Variants in RRM2B observed in about 807,000 individuals in gnomAD.
RRM2B encodes ribonucleoside-diphosphate reductase subunit M2 B.
Under a neutral mutation model 45.9 loss-of-function variants are expected in RRM2B, and 20 were observed. The observed-to-expected ratio is 0.44, with a 90% CI of 0.31 to 0.63. The LOEUF is 0.63. RRM2B is among the 30% of genes least tolerant of loss of function. The probability of loss-of-function intolerance (pLI) is 0.09; values close to 1 mark genes in which losing one functional copy is unlikely to be tolerated. For synonymous variants in RRM2B, 124 were observed against 132.3 expected, an observed-to-expected ratio of 0.94 and a Z score of 0.43; for missense variants, 320 against 414.7, an observed-to-expected ratio of 0.77 and a Z score of 1.98.
chr8:102,215,677 G>T (rs1810717468), intron 6 of RRM2B, among the ~76,000 whole-genome samples: 1 of 151,986 alleles, frequency 6.6e-6, no homozygotes, highest in Non-Finnish European at 1.5e-5. Context: ...TGGGCACGGG[G>T]GCTCATGCCT....
At chr8:102,219,726 G>A (rs1346888126) in intron 5 of RRM2B, among the ~76,000 whole-genome samples, 1 of 152,166 alleles carries the variant, frequency 6.6e-6, no homozygotes, top group East Asian at 1.9e-4. Flanking sequence ...CCTGAGAAAA[G>A]TATTTATATA....
In RRM2B at chr8:102,209,931, A is replaced by G. The variant is rs916507050; in HGVS notation, c.904-1646T>C. ...TGAAATAGAATATGCAGAATAGGCA[A>G]ATCTACAGACGCAGAATAGGCAAAT... is the stretch of plus-strand genomic sequence containing the variant. On this transcript the variant is annotated intron_variant, in intron 8 of 8. Coordinates refer to ENST00000251810, the MANE Select transcript of RRM2B (RefSeq NM_015713.5). Among the ~76,000 whole-genome samples the G allele has an allele frequency of 1.6e-4, 25 of 152,308 alleles. 1 individual carries two copies. The South Asian group carries it at 5.2e-3, about 32-fold the overall frequency.
intron 5 of RRM2B, among the ~76,000 whole-genome samples, chr8:102,221,511 CTG>C (rs1263922052): frequency 6.6e-6 from 1 of 152,172 alleles, no homozygotes; most frequent in Non-Finnish European, 1.5e-5. Context: ...TTCCATGTTA[CTG>C]TCTTTTAGCT....
At position 102,238,879 on chromosome 8, in the gene RRM2B, C is replaced by T. The variant is rs766069649; in HGVS notation, c.-5G>A. The T allele has an allele frequency of 5.6e-6, 9 of 1,611,084 alleles. No homozygotes were observed. Reference sequence around the variant, plus strand: ...CGGCCTTTCCGGGTCGCCCATCGCGCAGACTCCGCCGAAGCTACGGGCGCT... The same window carrying T: ...CGGCCTTTCCGGGTCGCCCATCGCGTAGACTCCGCCGAAGCTACGGGCGCT... On this transcript the variant is annotated 5_prime_UTR_variant, in exon 1 of 9. Transcript: ENST00000251810.
chr8:102,211,021 A>C (rs571658189), intron 8 of RRM2B, among the ~76,000 whole-genome samples: 3 of 152,038 alleles, frequency 2.0e-5, no homozygotes, highest in South Asian at 2.1e-4. Flanking sequence ...AGAGAGAGAG[A>C]GAGCGAGAGA....
At chr8:102,227,889 T>C (rs1326938682) in intron 2 of RRM2B, among the ~76,000 whole-genome samples, 1 of 152,096 alleles carries the variant, frequency 6.6e-6, no homozygotes, top group Non-Finnish European at 1.5e-5. Context: ...TCCACCCACA[T>C]GACCTAATTA....
At chr8:102,217,514 A>C (rs1342996421) in intron 6 of RRM2B, among the ~76,000 whole-genome samples, 1 of 152,200 alleles carries the variant, frequency 6.6e-6, no homozygotes, top group Non-Finnish European at 1.5e-5. Flanking sequence ...TTCTAACAAA[A>C]CGGTTAAGTT....
intron 7 of RRM2B, among the ~76,000 whole-genome samples, chr8:102,213,821 A>T (rs1020120279): frequency 1.3e-5 from 2 of 152,202 alleles, no homozygotes; most frequent in Non-Finnish European, 2.9e-5. Context: ...AATAGCCCTG[A>T]AACAGGTTTT....
chr8:102,224,820 A>G, intron 4 of RRM2B, 65 bp downstream of exon 4: 1 of 1,478,378 alleles, frequency 6.8e-7, no homozygotes, highest in South Asian at 1.2e-5. Context: ...GAGTTTTGGA[A>G]TAAATTCTGA....
chr8:102,221,872 T>C (rs932149101), intron 5 of RRM2B, among the ~76,000 whole-genome samples: 1 of 152,152 alleles, frequency 6.6e-6, no homozygotes, highest in Admixed American at 6.6e-5. Flanking sequence ...ACTCTGCCTC[T>C]TCCCTTCTTT....
At position 102,219,212 on chromosome 8, in the gene RRM2B, A is replaced by T. The variant is rs183953488; in HGVS notation, c.551-265T>A. Among the ~76,000 whole-genome samples, 88 of 152,342 alleles carry T rather than the reference A, an allele frequency of 5.8e-4. 1 individual carries two copies. The highest frequency in any genetic ancestry group is 2.0e-3 in the African/African-American group (85 of 41,574). ...GACAAAGAAGGACCTTCCATACTCA[A>T]AACAAGAGGTGATTTACGTGTGCAC... On this transcript the variant is annotated intron_variant, in intron 5 of 8. Transcript: ENST00000251810.
intron 3 of RRM2B, among the ~76,000 whole-genome samples, chr8:102,225,482 T>C (rs531000112): frequency 1.3e-5 from 2 of 152,258 alleles, no homozygotes; most frequent in East Asian, 3.9e-4. Flanking sequence ...TCCGCCCACC[T>C]CAGCCTCCCA....
Position 102,209,011 on chromosome 8 carries a change from G to A in RRM2B, c.904-726C>T, listed in dbSNP as rs29000283. 6.3e-3 allele frequency among the ~76,000 whole-genome samples: 963 copies of A among 152,216 alleles called. 22 individuals are homozygous for A. Among genetic ancestry groups the A allele is most frequent in the Admixed American group, 0.03 (451 of 15,288 alleles). On this transcript the variant is annotated intron_variant, in intron 8 of 8. Transcript: ENST00000251810. ...CTAAAAGTACAAAAATTAGCTGGGC[G>A]TGGTAGCAGATGCCTGTAATCCAAG...
At chr8:102,224,418 C>A (rs1810890439) in intron 4 of RRM2B, among the ~76,000 whole-genome samples, 1 of 152,154 alleles carries the variant, frequency 6.6e-6, no homozygotes, top group African/African-American at 2.4e-5. Context: ...TCGTGATCCA[C>A]CTGCTTCGGC....
In RRM2B at chr8:102,207,806, G is replaced by A. The variant is rs182750398; in HGVS notation, c.*327C>T. 26 of 226,990 alleles carry A rather than the reference G, an allele frequency of 1.1e-4. No homozygotes were observed. Among genetic ancestry groups the A allele is most frequent in the Non-Finnish European group, 1.7e-4 (19 of 113,838 alleles). 14.1% of individuals were successfully genotyped at this position (226,990 alleles called of 1,614,324 possible). A position where few individuals can be genotyped will look rare whatever the true frequency, so the allele number is the denominator to read the frequency against. On this transcript the variant is annotated 3_prime_UTR_variant, in exon 9 of 9. Transcript: ENST00000251810. ...CTCCCATTTTAAAGATAAGTACACC[G>A]AGGTTTACCAAGATTAACTGACTTG...
At chr8:102,211,195 C>T (rs958309936) in intron 8 of RRM2B, among the ~76,000 whole-genome samples, 1 of 152,134 alleles carries the variant, frequency 6.6e-6, no homozygotes, top group Non-Finnish European at 1.5e-5. Context: ...AGGATTTCGC[C>T]ATGTTGCCTA....
chr8:102,236,784 T>C (rs554478720), intron 1 of RRM2B, among the ~76,000 whole-genome samples: 1 of 152,348 alleles, frequency 6.6e-6, no homozygotes, highest in African/African-American at 2.4e-5. Flanking sequence ...CTGCTGTTTT[T>C]TCCAGAATGG....
At chr8:102,209,370 T>C (rs1255224291) in intron 8 of RRM2B, among the ~76,000 whole-genome samples, 1 of 152,122 alleles carries the variant, frequency 6.6e-6, no homozygotes, top group Non-Finnish European at 1.5e-5. Context: ...AAAGAAGATA[T>C]ACAAAATGAA....
At chr8:102,208,367 G>A in intron 8 of RRM2B, 82 bp from the exon 9 acceptor site, 1 of 1,032,474 alleles carries the variant, frequency 9.7e-7, no homozygotes, top group Non-Finnish European at 1.5e-6. Context: ...CCAAAACAGA[G>A]GTCAGGTTTC....
Sources: gnomAD v4.1 joint callset for allele counts (sites outside exome capture counted in the v4.1 genomes callset) on GRCh38, gnomAD v4.1.1 for gene constraint, MANE v1.5 for transcripts, NCBI Gene and HGNC (gene_info 2026-07-23, HGNC 2026-07-21) for gene names.